Variants in RORA observed in about 807,000 individuals in gnomAD.
RORA encodes nuclear receptor ROR-alpha.
In RORA, 7 loss-of-function variants were observed where a neutral mutation model predicts 69.5. That is an observed-to-expected ratio of 0.10 (90% CI 0.06 to 0.19). The LOEUF (loss-of-function observed/expected upper bound fraction) is 0.19. Ranked by LOEUF, RORA falls within the 10% of genes least tolerant of loss-of-function variation. The probability of loss-of-function intolerance (pLI) is 1.00; values close to 1 mark genes in which losing one functional copy is unlikely to be tolerated. For missense variants in RORA, 457 were observed against 663.0 expected (o/e 0.69, Z 3.41); for synonymous variants, 261 against 240.8 (o/e 1.08, Z -0.78).
At chr15:61,002,987 A>T (rs566877656) in intron 1 of RORA, among the ~76,000 whole-genome samples, 1 of 150,718 alleles carries the variant, frequency 6.6e-6, no homozygotes, top group Non-Finnish European at 1.5e-5. Flanking sequence ...AAAAAAAAAA[A>T]AAAAAAATTA....
chr15:60,787,290 C>T (rs935594574), intron 1 of RORA, among the ~76,000 whole-genome samples: 2 of 152,096 alleles, frequency 1.3e-5, no homozygotes, highest in South Asian at 2.1e-4. Flanking sequence ...GGCATGCACG[C>T]GATTCAACAA....
At chr15:60,708,384 C>T (rs1014415290) in intron 1 of RORA, among the ~76,000 whole-genome samples, 3 of 149,368 alleles carry the variant, frequency 2.0e-5, no homozygotes, top group East Asian at 2.0e-4. Context: ...ATGGCACCAC[C>T]GCACTCCAGC....
chr15:61,023,140 A>G (rs565439424), intron 1 of RORA, among the ~76,000 whole-genome samples: 27 of 134,708 alleles, frequency 2.0e-4, no homozygotes, highest in Admixed American at 8.0e-4. Flanking sequence ...GTGAGCTAAG[A>G]TCCTGCCACT....
intron 1 of RORA, among the ~76,000 whole-genome samples, chr15:61,105,843 T>C (rs1168250066): frequency 6.6e-6 from 1 of 152,234 alleles, no homozygotes; most frequent in Admixed American, 6.5e-5. Flanking sequence ...TGGTAGATAC[T>C]AGGTAATTAT....
At chr15:60,920,109 A>G (rs1402622374) in intron 1 of RORA, among the ~76,000 whole-genome samples, 1 of 152,204 alleles carries the variant, frequency 6.6e-6, no homozygotes, top group Admixed American at 6.5e-5. Flanking sequence ...CTTCAGCAGC[A>G]CTATCTCACC....
chr15:60,549,340 A>G (rs1421917678), intron 2 of RORA, among the ~76,000 whole-genome samples: 1 of 152,096 alleles, frequency 6.6e-6, no homozygotes, highest in Non-Finnish European at 1.5e-5. Flanking sequence ...ACCAGGGCAT[A>G]TTTGTTGTTG....
chr15:60,903,454 C>A (rs775001693), intron 1 of RORA, among the ~76,000 whole-genome samples: 3 of 152,220 alleles, frequency 2.0e-5, no homozygotes, highest in Non-Finnish European at 4.4e-5. Flanking sequence ...ACCATCCTTT[C>A]CCCTGTGAGT....
At chr15:60,890,431 T>C (rs1472571584) in intron 1 of RORA, among the ~76,000 whole-genome samples, 1 of 152,196 alleles carries the variant, frequency 6.6e-6, no homozygotes, top group Non-Finnish European at 1.5e-5. Context: ...GTACCGCTTG[T>C]CCACACCATC....
chr15:60,811,380 A>C (rs75673483), intron 1 of RORA, among the ~76,000 whole-genome samples: 1 of 152,196 alleles, frequency 6.6e-6, no homozygotes, highest in South Asian at 2.1e-4. Context: ...CCTGTATCTG[A>C]TAAGTCAGTT....
At chr15:60,995,523 T>C (rs1411286214) in intron 1 of RORA, among the ~76,000 whole-genome samples, 1 of 152,124 alleles carries the variant, frequency 6.6e-6, no homozygotes, top group African/African-American at 2.4e-5. Flanking sequence ...TCTCCTTCCT[T>C]CAAACTGGTG....
chr15:60,961,807 T>C (rs530800157), intron 1 of RORA, among the ~76,000 whole-genome samples: 2 of 152,346 alleles, frequency 1.3e-5, no homozygotes, highest in South Asian at 2.1e-4. Context: ...ACAGATTGTA[T>C]AGCTGAATGT....
chr15:60,561,073 T>C (rs957199683), intron 2 of RORA, among the ~76,000 whole-genome samples: 2 of 129,858 alleles, frequency 1.5e-5, no homozygotes, highest in Non-Finnish European at 3.0e-5. Context: ...TTTTTTTTGT[T>C]TTGTTTTTGT....
At chr15:61,083,765 G>A (rs754816826) in intron 1 of RORA, among the ~76,000 whole-genome samples, 4 of 151,792 alleles carry the variant, frequency 2.6e-5, no homozygotes, top group Non-Finnish European at 5.9e-5. Flanking sequence ...ATCAAATAGA[G>A]TCAGCCTCTT....
chr15:61,004,742 AAC>A (rs1894859677), intron 1 of RORA, among the ~76,000 whole-genome samples: 1 of 152,234 alleles, frequency 6.6e-6, no homozygotes, highest in African/African-American at 2.4e-5. Flanking sequence ...ACATAAGAAG[AAC>A]ACACACCTGC....
chr15:60,962,829 G>A (rs1438807159), intron 1 of RORA, among the ~76,000 whole-genome samples: 7 of 152,184 alleles, frequency 4.6e-5, no homozygotes, highest in African/African-American at 1.4e-4. Context: ...AGAAGAATTG[G>A]TAGCAAGAGA....
In RORA at chr15:60,495,990, A is replaced by C. The variant is rs890621806; in HGVS notation, c.*1465T>G. 17 of 152,216 alleles carry C rather than the reference A, an allele frequency of 1.1e-4. No homozygotes were observed. Among genetic ancestry groups the C allele is most frequent in the African/African-American group, 4.1e-4 (17 of 41,460 alleles). 9.4% of individuals were successfully genotyped at this position (152,216 alleles called of 1,614,324 possible). A position where few individuals can be genotyped will look rare whatever the true frequency, so the allele number is the denominator to read the frequency against. On this transcript the variant is annotated 3_prime_UTR_variant, in exon 11 of 11. Transcript: ENST00000335670. Reference sequence around the variant, plus strand: ...CAGTTTCCTAGTGAAGATAAATACAAGAGTAAATGTTTGCAGCTAGCATCA... The same window carrying C: ...CAGTTTCCTAGTGAAGATAAATACACGAGTAAATGTTTGCAGCTAGCATCA...
At chr15:61,105,778 T>C (rs150011399) in intron 1 of RORA, among the ~76,000 whole-genome samples, 1 of 152,356 alleles carries the variant, frequency 6.6e-6, no homozygotes, top group Non-Finnish European at 1.5e-5. Context: ...TGAGCTTCTC[T>C]CTTTTAAAAG....
At chr15:61,003,989 T>A (rs1476301259) in intron 1 of RORA, among the ~76,000 whole-genome samples, 1 of 146,164 alleles carries the variant, frequency 6.8e-6, no homozygotes, top group Non-Finnish European at 1.5e-5. Flanking sequence ...GAAATCTTTT[T>A]TCATGGCCCA....
Position 61,186,064 on chromosome 15 carries a change from A to C in RORA, c.166+42989T>G, listed in dbSNP as rs191428811. 7.9e-5 allele frequency among the ~76,000 whole-genome samples: 12 copies of C among 152,292 alleles called. No homozygotes were observed. The East Asian group carries it at 2.3e-3, about 29-fold the overall frequency. ...TTCTCTCTGTGGCTGGCTCCTCCTA[A>C]AACGTGAAAAATTAACCACTTATGA... On this transcript the variant is annotated intron_variant, in intron 1 of 10. Transcript: ENST00000335670.
Sources: gnomAD v4.1 joint callset for allele counts (sites outside exome capture counted in the v4.1 genomes callset) on GRCh38, gnomAD v4.1.1 for gene constraint, MANE v1.5 for transcripts, NCBI Gene and HGNC (gene_info 2026-07-23, HGNC 2026-07-21) for gene names.